Variants in ZSWIM4 observed in about 807,000 individuals in gnomAD.
The protein encoded by ZSWIM4 is zinc finger SWIM domain-containing protein 4.
In ZSWIM4, 62 loss-of-function variants were observed where a neutral mutation model predicts 102.5. That is an observed-to-expected ratio of 0.60 (90% CI 0.49 to 0.75). The LOEUF (loss-of-function observed/expected upper bound fraction) is 0.75. ZSWIM4 is among the 30% of genes least tolerant of loss of function. ZSWIM4 has a pLI of 0.00. For synonymous variants in ZSWIM4, 652 were observed against 674.5 expected (o/e 0.97, Z 0.52); for missense variants, 1,280 against 1,529.6 (o/e 0.84, Z 2.72).
chr19:13,801,789 G>A (rs1455809022), intron 2 of ZSWIM4, among the ~76,000 whole-genome samples: 3 of 144,170 alleles, frequency 2.1e-5, no homozygotes, highest in East Asian at 2.1e-4. Context: ...CCCCTGCCTC[G>A]GCCTCCCTAG....
In ZSWIM4 at chr19:13,823,329, CT is replaced by C. The variant is rs748147811; in HGVS notation, c.2061-15del. 3.1e-6 allele frequency: 5 copies of C among 1,608,932 alleles called. No homozygotes were observed. Among genetic ancestry groups the C allele is most frequent in the Non-Finnish European group, 4.2e-6 (5 of 1,176,802 alleles). On this transcript the variant is annotated splice_polypyrimidine_tract_variant and intron_variant, in intron 10 of 13. Transcript: ENST00000590508. The stretch of plus-strand genomic sequence containing the variant: ...AGCAGCCCCTCCTCACCATGGCTCA[CT>C]TCTCCCCTTACCCAGGCTGCCCATA...
rs1975402292 is a variant in ZSWIM4, at chr19:13,819,503, G to A, written c.2060+11G>A. ...GCTGCGAGCTATGAGGTGAGGATAG[G>A]TGGCCAAGGCAGTGGCAGGGGGAGC... On this transcript the variant is annotated intron_variant, in intron 10 of 13. Transcript: ENST00000590508. The A allele has an allele frequency of 6.3e-7, 1 of 1,586,736 alleles. No homozygotes were observed. Among genetic ancestry groups the A allele is most frequent in the Admixed American group, 1.8e-5 (1 of 56,056 alleles).
intron 3 of ZSWIM4, 60 bp downstream of exon 3, chr19:13,805,208 T>C: frequency 7.0e-7 from 1 of 1,420,612 alleles, no homozygotes; most frequent in Non-Finnish European, 9.7e-7. Flanking sequence ...CCACGCCACT[T>C]GCTGTGTGCC....
rs761230823 is a variant in ZSWIM4 at position 13,795,712 on chromosome 19, G to T, written c.64G>T (p.Gly22Trp). Reference sequence around the variant, plus strand: ...CGCGGGACCCGAGGAGCGCGATGCCGGGGCCGGGGCCGCGCGTGGCCGGGG... The same window carrying T: ...CGCGGGACCCGAGGAGCGCGATGCCTGGGCCGGGGCCGCGCGTGGCCGGGG... ...CPAGPEERDA[G>W]AGAARGRGRP... is the part of the protein sequence containing the mutation. The change falls in exon 1 of 14, where the codon GGG (glycine) becomes TGG (tryptophan). Residue 22 changes from glycine to tryptophan, a missense_variant. Transcript: ENST00000590508. The T allele has an allele frequency of 9.2e-6, 11 of 1,194,734 alleles. No homozygotes were observed. The highest frequency in any genetic ancestry group is 1.0e-5 in the Non-Finnish European group (10 of 959,260). 74.0% of individuals were successfully genotyped at this position (1,194,734 alleles called of 1,614,324 possible).
chr19:13,803,158 G>C (rs1974819039), intron 2 of ZSWIM4, among the ~76,000 whole-genome samples: 1 of 152,200 alleles, frequency 6.6e-6, no homozygotes, highest in African/African-American at 2.4e-5. Flanking sequence ...GAGCCCCTTT[G>C]CTGGGACATG....
intron 13 of ZSWIM4, 23 bp downstream of exon 13, chr19:13,828,749 G>A (rs1349605867): frequency 3.7e-6 from 6 of 1,609,530 alleles, no homozygotes; most frequent in Non-Finnish European, 4.3e-6. Context: ...AAGGGGACCT[G>A]CCACCCACTT....
intron 2 of ZSWIM4, among the ~76,000 whole-genome samples, chr19:13,800,554 C>G (rs1434001560): frequency 6.6e-6 from 1 of 152,016 alleles, no homozygotes; most frequent in East Asian, 1.9e-4. Context: ...CGTGAGCCAC[C>G]GCTCCCGGCC....
intron 9 of ZSWIM4, among the ~76,000 whole-genome samples, chr19:13,818,373 C>A (rs1314749706): frequency 6.6e-6 from 1 of 152,152 alleles, no homozygotes; most frequent in African/African-American, 2.4e-5. Flanking sequence ...AGACTCCGTC[C>A]CCTAGCGCTA....
At chr19:13,819,330 G>T in intron 9 of ZSWIM4, 27 bp from the exon 10 acceptor site, 2 of 1,613,040 alleles carry the variant, frequency 1.2e-6, no homozygotes, top group South Asian at 2.2e-5. Flanking sequence ...CCCACACTTG[G>T]GGACTGAGCT....
chr19:13,814,681 G>A lies in ZSWIM4; in HGVS notation c.1347G>A (p.Pro449=), dbSNP rs770212002. The change falls in exon 7 of 14, where the codon CCG becomes CCA. Residue 449 remains proline, a synonymous_variant. Coordinates refer to ENST00000590508, the MANE Select transcript of ZSWIM4 (RefSeq NM_001367834.3). ...SLTGSVGGDK[P]TFDPQGRPLW... is the part of the protein sequence containing the mutation. ...CAGGCAGCGTGGGTGGGGACAAACC[G>A]ACTTTCGACCCCCAGGGCCGCCCAC... The A allele has an allele frequency of 1.6e-5, 21 of 1,282,872 alleles. No individual in the cohort carries two copies. Among genetic ancestry groups the A allele is most frequent in the Middle Eastern group, 2.1e-4 (1 of 4,662 alleles). The allele number at this position is 1,282,872 out of a possible 1,614,324, so 79.5% of individuals were successfully genotyped here. A position where few individuals can be genotyped will look rare whatever the true frequency, so the allele number is the denominator to read the frequency against.
At chr19:13,828,317 G>C (rs771948551) in intron 12 of ZSWIM4, among the ~76,000 whole-genome samples, 1 of 152,010 alleles carries the variant, frequency 6.6e-6, no homozygotes. Flanking sequence ...CCTGAGGCAG[G>C]AGAATGCTTG....
Position 13,805,036 on chromosome 19 carries a change from G to A in ZSWIM4, c.600G>A (p.Leu200=). The A allele has an allele frequency of 6.2e-7, 1 of 1,611,336 alleles. No homozygotes were observed. The highest frequency in any genetic ancestry group is 1.7e-5 in the Admixed American group (1 of 60,016). The change falls in exon 3 of 14, where the codon CTG becomes CTA. Residue 200 remains leucine (L), a synonymous_variant. Coordinates refer to ENST00000590508, the MANE Select transcript of ZSWIM4 (RefSeq NM_001367834.3). ...TCTCCCAGATGAACCGGGACCAGCTGCAGAAGTTCGTGCAGTACCTCATCA... is the reference window on the plus strand; with the variant it reads ...TCTCCCAGATGAACCGGGACCAGCTACAGAAGTTCGTGCAGTACCTCATCA... ...ETLSQMNRDQ[L]QKFVQYLISA... is the part of the protein sequence containing the mutation.
intron 7 of ZSWIM4, among the ~76,000 whole-genome samples, chr19:13,816,940 C>T (rs1975305233): frequency 6.6e-6 from 1 of 152,156 alleles, no homozygotes; most frequent in African/African-American, 2.4e-5. Context: ...AGTGGCCAGG[C>T]ATGGTGGCCC....
At chr19:13,822,811 C>T (rs1425991283) in intron 10 of ZSWIM4, among the ~76,000 whole-genome samples, 1 of 152,090 alleles carries the variant, frequency 6.6e-6, no homozygotes, top group Non-Finnish European at 1.5e-5. Context: ...GAAAACCCGT[C>T]TCTACTAAAA....
At chr19:13,800,034 A>G (rs908033494) in intron 2 of ZSWIM4, 113 bp downstream of exon 2, 2 of 897,142 alleles carry the variant, frequency 2.2e-6, no homozygotes, top group Non-Finnish European at 3.3e-6. Flanking sequence ...TACAGACCTC[A>G]GGCTTCGAGG....
rs1165562182 is a variant in ZSWIM4 at position 13,825,606 on chromosome 19, C to G, written c.2272C>G (p.Pro758Ala). The change falls in exon 12 of 14, where the codon CCG becomes GCG. Residue 758 changes from proline (P) to alanine (A), a missense_variant. Transcript: ENST00000590508. The surrounding 1 kb of genome is among the most constrained non-coding windows in gnomAD (Gnocchi z 4.6). ...LGSIQQNIHS[P>A]ALLFKLAQDA... ...CTCCATCCAGCAGAACATCCACTCT[C>G]CGGCCCTGCTCTTTAAGCTGGCGCA... 1 of 1,614,230 alleles carries G rather than the reference C, an allele frequency of 6.2e-7. No homozygotes were observed. The highest frequency in any genetic ancestry group is 1.7e-5 in the Admixed American group (1 of 60,030).
rs751702251 is a variant in ZSWIM4 at position 13,799,807 on chromosome 19, A to T, written c.241A>T (p.Met81Leu). 6.2e-7 allele frequency: 1 copy of T among 1,614,030 alleles called. No individual in the cohort carries two copies. Among genetic ancestry groups the T allele is most frequent in the East Asian group, 2.2e-5 (1 of 44,872 alleles). Reference protein sequence around the residue: ...SFPRSEREICMYSSLGYPPPE... With the variant: ...SFPRSEREICLYSSLGYPPPE... ...TCCACGCAGTGAACGGGAAATATGTATGTACTCGTCGCTGGGTTACCCGCC... is the reference window on the plus strand; with the variant it reads ...TCCACGCAGTGAACGGGAAATATGTTTGTACTCGTCGCTGGGTTACCCGCC... Residue 81 changes from methionine to leucine, a missense_variant, in exon 2 of 14, where the codon ATG becomes TTG. By Grantham distance (15) the Met-to-Leu change is conservative (BLOSUM62 2). Coordinates refer to ENST00000590508, the MANE Select transcript of ZSWIM4 (RefSeq NM_001367834.3).
chr19:13,818,064 G>A (rs1568339523), intron 9 of ZSWIM4, 88 bp downstream of exon 9: 1 of 1,421,110 alleles, frequency 7.0e-7, no homozygotes, highest in Non-Finnish European at 9.2e-7. Context: ...CCAGATGGGA[G>A]GCCCCGCCCC....
In ZSWIM4 at chr19:13,831,179, C is replaced by T; in HGVS notation, c.*129C>T. 2.5e-6 allele frequency: 3 copies of T among 1,211,824 alleles called. No homozygotes were observed. Among genetic ancestry groups the T allele is most frequent in the Non-Finnish European group, 3.4e-6 (3 of 887,770 alleles). 75.1% of individuals were successfully genotyped at this position (1,211,824 alleles called of 1,614,324 possible). A position where few individuals can be genotyped will look rare whatever the true frequency, so the allele number is the denominator to read the frequency against. The stretch of plus-strand genomic sequence containing the variant: ...GAAGGAGCCCGGCTGGAGATGGGGG[C>T]AGGGGGAGCAGCATCCTGCCACGTG... On this transcript the variant is annotated 3_prime_UTR_variant, in exon 14 of 14. Transcript: ENST00000590508.
Sources: gnomAD v4.1 joint callset for allele counts (sites outside exome capture counted in the v4.1 genomes callset) on GRCh38, gnomAD v4.1.1 for gene constraint, Gnocchi (gnomAD v3.1) non-coding constraint, MANE v1.5 for transcripts, NCBI Gene and HGNC (gene_info 2026-07-23, HGNC 2026-07-21) for gene names.